The following FSTL5 variants were observed in gnomAD, a reference collection of about 807,000 sequenced individuals.
The protein encoded by FSTL5 is follistatin like 5, also known as follistatin-related protein 5.
FSTL5 carries 62 observed loss-of-function variants against 89.1 expected under a neutral mutation model. The ratio of observed to expected loss-of-function variants is 0.70; its 90% CI spans 0.57 to 0.86. The LOEUF (loss-of-function observed/expected upper bound fraction) is 0.86. Ranked by LOEUF, FSTL5 falls within the 40% of genes least tolerant of loss-of-function variation. The probability of loss-of-function intolerance (pLI) is 0.00; values close to 1 mark genes in which losing one functional copy is unlikely to be tolerated. For synonymous variants in FSTL5, 383 were observed against 346.2 expected, an observed-to-expected ratio of 1.11 and a Z score of -1.18; for missense variants, 1,057 against 1,001.6, an observed-to-expected ratio of 1.06 and a Z score of -0.75.
intron 6 of FSTL5, among the ~76,000 whole-genome samples, chr4:161,753,412 C>G (rs879387528): frequency 3.9e-5 from 6 of 152,150 alleles, no homozygotes; most frequent in Non-Finnish European, 7.4e-5. Context: ...TGTAATCACT[C>G]ACCAATTCAA....
At chr4:161,751,810 A>G (rs1232687707) in intron 6 of FSTL5, among the ~76,000 whole-genome samples, 2 of 151,988 alleles carry the variant, frequency 1.3e-5, no homozygotes, top group Admixed American at 1.3e-4. Context: ...GGATGATCAT[A>G]CAAACTAAAA....
At chr4:161,642,277 G>T (rs1195636302) in intron 7 of FSTL5, among the ~76,000 whole-genome samples, 1 of 152,110 alleles carries the variant, frequency 6.6e-6, no homozygotes, top group Middle Eastern at 3.4e-3. Context: ...TAAGCATATT[G>T]TTCTGGCAAT....
chr4:161,523,590 T>A (rs1731105908), intron 10 of FSTL5, among the ~76,000 whole-genome samples: 1 of 152,220 alleles, frequency 6.6e-6, no homozygotes, highest in Non-Finnish European at 1.5e-5. Flanking sequence ...AGTAACACTA[T>A]CTTTTAGGAA....
At chr4:161,776,749 A>C (rs1741426017) in intron 4 of FSTL5, among the ~76,000 whole-genome samples, 1 of 151,892 alleles carries the variant, frequency 6.6e-6, no homozygotes, top group South Asian at 2.1e-4. Context: ...TATGTACATA[A>C]TGTCTGTACA....
intron 15 of FSTL5, among the ~76,000 whole-genome samples, chr4:161,392,614 T>C (rs1430147976): frequency 6.6e-6 from 1 of 152,166 alleles, no homozygotes; most frequent in Non-Finnish European, 1.5e-5. Context: ...GCTTAGGACA[T>C]GAAACTGACA....
intron 2 of FSTL5, among the ~76,000 whole-genome samples, chr4:162,083,822 T>A (rs1730197424): frequency 6.6e-6 from 1 of 151,796 alleles, no homozygotes. Flanking sequence ...AAACATTAAT[T>A]AAAAGACATT....
chr4:161,849,767 A>G (rs1731493887), intron 4 of FSTL5, among the ~76,000 whole-genome samples: 1 of 152,140 alleles, frequency 6.6e-6, no homozygotes, highest in African/African-American at 2.4e-5. Context: ...ATGAAGTCCT[A>G]ATGTCTTTAG....
intron 6 of FSTL5, among the ~76,000 whole-genome samples, chr4:161,759,087 T>C (rs13110447): frequency 0.2 from 30,689 of 152,136 alleles, 3,133 homozygotes; most frequent in Middle Eastern, 0.32. Flanking sequence ...ATAATTGTTT[T>C]TGATACATGG....
At position 161,385,930 on chromosome 4, in the gene FSTL5, C is replaced by T; in HGVS notation, c.2361G>A (p.Lys787=). Residue 787 remains lysine, a synonymous_variant, in exon 16 of 16, where the codon AAG becomes AAA. Transcript: ENST00000306100. The stretch of plus-strand genomic sequence containing the variant: ...TCCGGTTCCAAGGCCATTCTTCTGC[C>T]TTGAGTGGTTCCTTGAGACTCTTTA... ...KMIKSLKEPL[K]AEEWPWNRKN... is the part of the protein sequence containing the mutation. The T allele has an allele frequency of 1.9e-6, 3 of 1,613,856 alleles. No homozygotes were observed. Among genetic ancestry groups the T allele is most frequent in the Non-Finnish European group, 2.5e-6 (3 of 1,179,934 alleles).
At chr4:161,509,504 A>G (rs1308405530) in intron 11 of FSTL5, among the ~76,000 whole-genome samples, 3 of 151,388 alleles carry the variant, frequency 2.0e-5, no homozygotes, top group South Asian at 2.1e-4. Context: ...CTAAGAGAGA[A>G]AAAAAAAATA....
At chr4:161,855,253 T>C (rs2126884770) in intron 4 of FSTL5, among the ~76,000 whole-genome samples, 1 of 152,232 alleles carries the variant, frequency 6.6e-6, no homozygotes, top group African/African-American at 2.4e-5. Context: ...AATACTGCCA[T>C]AAGGTGTCCT....
chr4:162,002,004 G>A (rs1160764134), intron 3 of FSTL5, among the ~76,000 whole-genome samples: 1 of 151,612 alleles, frequency 6.6e-6, no homozygotes, highest in East Asian at 1.9e-4. Context: ...TTTTTTTTAA[G>A]TATCATTATT....
At chr4:161,425,137 A>T (rs530106564) in intron 15 of FSTL5, among the ~76,000 whole-genome samples, 11 of 152,360 alleles carry the variant, frequency 7.2e-5, no homozygotes, top group African/African-American at 2.6e-4. Context: ...ATGTGGTAGA[A>T]TACTACTTTG....
intron 1 of FSTL5, among the ~76,000 whole-genome samples, chr4:162,144,616 T>C (rs1431652313): frequency 1.3e-5 from 2 of 152,118 alleles, no homozygotes; most frequent in Non-Finnish European, 2.9e-5. Context: ...GGTGATGAGG[T>C]TGTAAACATC....
chr4:161,744,164 T>C (rs942780135), intron 6 of FSTL5, among the ~76,000 whole-genome samples: 8 of 152,132 alleles, frequency 5.3e-5, no homozygotes, highest in Non-Finnish European at 1.0e-4. Flanking sequence ...AACGTATGTA[T>C]GGTCAGGGAT....
intron 3 of FSTL5, among the ~76,000 whole-genome samples, chr4:161,929,952 T>G (rs899567694): frequency 2.6e-5 from 4 of 151,742 alleles, no homozygotes. Flanking sequence ...GGCTGGTTAT[T>G]TTTACTCCAC....
At chr4:161,476,001 C>T (rs888785904) in intron 13 of FSTL5, among the ~76,000 whole-genome samples, 1 of 151,992 alleles carries the variant, frequency 6.6e-6, no homozygotes, top group East Asian at 1.9e-4. Context: ...GATCCGCCCG[C>T]CTGGGCCTCC....
At chr4:161,407,026 A>G (rs1052094475) in intron 15 of FSTL5, among the ~76,000 whole-genome samples, 6 of 152,106 alleles carry the variant, frequency 3.9e-5, no homozygotes, top group Non-Finnish European at 7.4e-5. Flanking sequence ...TTTTTGTAGT[A>G]AATTCCTGGA....
intron 7 of FSTL5, among the ~76,000 whole-genome samples, chr4:161,633,291 T>TTTTTTATTATTA (rs70937669): frequency 1.4e-5 from 2 of 140,718 alleles, no homozygotes; most frequent in African/African-American, 2.6e-5. Flanking sequence ...ACTAATTCTT[T>TTTTTTATTATTA]TTATTATTAT....
Sources: allele counts gnomAD v4.1 joint callset (sites outside exome capture counted in the v4.1 genomes callset), GRCh38; gene constraint gnomAD v4.1.1; transcripts MANE v1.5; gene names NCBI Gene and HGNC (gene_info 2026-07-23, HGNC 2026-07-21).